The following E2F3 variants were observed in gnomAD, a reference collection of about 807,000 sequenced individuals.
E2F3 encodes transcription factor E2F3.
A neutral mutation model predicts 44.4 loss-of-function variants in E2F3; 11 were observed. The ratio of observed to expected loss-of-function variants is 0.25; its 90% CI spans 0.16 to 0.41. The LOEUF is 0.41. Ranked by LOEUF, E2F3 falls within the 10% of genes least tolerant of loss-of-function variation. E2F3 has a pLI of 1.00. For missense variants in E2F3, 487 were observed against 583.6 expected (o/e 0.83, Z 1.70); for synonymous variants, 249 against 253.0 (o/e 0.98, Z 0.15).
chr6:20,477,066 G>A (rs1762069105), intron 1 of E2F3, among the ~76,000 whole-genome samples: 1 of 152,144 alleles, frequency 6.6e-6, no homozygotes, highest in East Asian at 1.9e-4. Context: ...GGTTAGAGGT[G>A]CCCTGACACA....
At position 20,402,266 on chromosome 6, in the gene E2F3, T is replaced by C; in HGVS notation, c.34T>C (p.Tyr12His). The change falls in exon 1 of 7, where the codon TAC becomes CAC. Residue 12 changes from tyrosine (Y) to histidine (H), a missense_variant. Coordinates refer to ENST00000346618, the MANE Select transcript of E2F3 (RefSeq NM_001949.5). This position sits in a 1 kb window ranked among gnomAD's most constrained non-coding sequence, Gnocchi z 5.6. ...RKGIQPALEQ[Y>H]LVTAGGGEGA... The stretch of plus-strand genomic sequence containing the variant: ...GGGAATCCAGCCCGCTCTGGAGCAG[T>C]ACCTGGTGACCGCCGGGGGTGGGGA... 6.2e-7 allele frequency: 1 copy of C among 1,607,652 alleles called. No homozygotes were observed. Among genetic ancestry groups the C allele is most frequent in the Non-Finnish European group, 8.5e-7 (1 of 1,178,384 alleles).
chr6:20,475,594 C>T (rs1240147109), intron 1 of E2F3, among the ~76,000 whole-genome samples: 1 of 152,180 alleles, frequency 6.6e-6, no homozygotes, highest in Non-Finnish European at 1.5e-5. Flanking sequence ...CTCCACCTCC[C>T]AGGTTCAAGC....
At chr6:20,483,608 A>C (rs978943997) in intron 4 of E2F3, among the ~76,000 whole-genome samples, 1 of 152,152 alleles carries the variant, frequency 6.6e-6, no homozygotes, top group Non-Finnish European at 1.5e-5. Flanking sequence ...CTTGTTCTCA[A>C]CTTCCTGACA....
intron 1 of E2F3, among the ~76,000 whole-genome samples, chr6:20,456,504 T>C (rs577418433): frequency 2.0e-5 from 3 of 152,270 alleles, no homozygotes; most frequent in South Asian, 4.2e-4. Context: ...CCTGTCTCCT[T>C]TCCTCCTTGC....
intron 1 of E2F3, among the ~76,000 whole-genome samples, chr6:20,430,729 G>T (rs1245495308): frequency 6.6e-6 from 1 of 152,208 alleles, no homozygotes; most frequent in East Asian, 1.9e-4. Flanking sequence ...TCACTTCAGA[G>T]TTGAGGGCCT....
rs564029498 is a variant in E2F3 at position 20,422,422 on chromosome 6, C to T, written c.393+19797C>T. On this transcript the variant is annotated intron_variant, in intron 1 of 6. Transcript: ENST00000346618. The stretch of plus-strand genomic sequence containing the variant: ...ATCAGTAATAAGGCTGTTTTGTTCT[C>T]GTGTCATTTGTGTGTTCATGGAGTA... Among the ~76,000 whole-genome samples the T allele has an allele frequency of 2.6e-5, 4 of 152,316 alleles. No homozygotes were observed. In the East Asian group the frequency reaches 7.7e-4, roughly 29 times the overall value.
intron 1 of E2F3, among the ~76,000 whole-genome samples, chr6:20,449,769 TC>T (rs1254342025): frequency 6.6e-6 from 1 of 152,152 alleles, no homozygotes; most frequent in Non-Finnish European, 1.5e-5. Flanking sequence ...CTCTCCCTCC[TC>T]CCACTCTCCA....
At chr6:20,470,279 CCCATTGTTTG>C (rs1554140224) in intron 1 of E2F3, among the ~76,000 whole-genome samples, 1 of 152,212 alleles carries the variant, frequency 6.6e-6, no homozygotes, top group Non-Finnish European at 1.5e-5. Context: ...CCCATTGTTT[CCCATTGTTTG>C]CTTGCCTGTA....
chr6:20,447,157 C>A (rs181145167), intron 1 of E2F3, among the ~76,000 whole-genome samples: 2 of 152,210 alleles, frequency 1.3e-5, no homozygotes, highest in East Asian at 3.9e-4. Flanking sequence ...GGGACGTCCA[C>A]GTTTGTCCTG....
chr6:20,430,927 AG>A (rs1475458778), intron 1 of E2F3, among the ~76,000 whole-genome samples: 9 of 152,204 alleles, frequency 5.9e-5, no homozygotes, highest in African/African-American at 2.2e-4. Flanking sequence ...TGGGAGGCTG[AG>A]GCAGGAGAAT....
At chr6:20,419,780 G>C (rs1452920513) in intron 1 of E2F3, among the ~76,000 whole-genome samples, 1 of 152,080 alleles carries the variant, frequency 6.6e-6, no homozygotes, top group African/African-American at 2.4e-5. Flanking sequence ...TGCCCAGGCT[G>C]GTCTCAAACT....
intron 1 of E2F3, among the ~76,000 whole-genome samples, chr6:20,429,906 TA>T (rs942820977): frequency 6.6e-6 from 1 of 152,122 alleles, no homozygotes; most frequent in African/African-American, 2.4e-5. Context: ...TATTAAATAT[TA>T]AATAAAATGC....
chr6:20,422,027 TCTC>T (rs753819407), intron 1 of E2F3: 12 of 152,348 alleles, frequency 7.9e-5, no homozygotes, highest in East Asian at 3.8e-4. Context: ...GATATTGACT[TCTC>T]CTCTCTAGCT....
At position 20,481,354 on chromosome 6, in the gene E2F3, T is replaced by A. The variant is rs567111741; in HGVS notation, c.654T>A (p.Ile218=). The A allele has an allele frequency of 6.2e-7, 1 of 1,614,088 alleles. No individual in the cohort carries two copies. Among genetic ancestry groups the A allele is most frequent in the East Asian group, 2.2e-5 (1 of 44,868 alleles). ...AEVLKVQKRR[I]YDITNVLEGI... Reference sequence around the variant, plus strand: ...TGCTAAAAGTGCAAAAGAGAAGGATTTATGATATCACCAACGTTCTGGAAG... The same window carrying A: ...TGCTAAAAGTGCAAAAGAGAAGGATATATGATATCACCAACGTTCTGGAAG... The change falls in exon 3 of 7, where the codon ATT becomes ATA. Residue 218 remains isoleucine (I), a synonymous_variant. Transcript: ENST00000346618.
chr6:20,427,986 G>A (rs940087466), intron 1 of E2F3, among the ~76,000 whole-genome samples: 4 of 152,122 alleles, frequency 2.6e-5, no homozygotes, highest in African/African-American at 9.7e-5. Context: ...TCCCTCTCCT[G>A]CAACGATTCA....
In E2F3 at chr6:20,486,450, T is replaced by C. The variant is rs1762395580; in HGVS notation, c.885-239T>C. Among the ~76,000 whole-genome samples the C allele has an allele frequency of 2.0e-5, 3 of 152,160 alleles. No individual in the cohort carries two copies. The South Asian group carries it at 6.2e-4, about 32-fold the overall frequency. ...ACCACGCCTGGCTAACTTTTTGTATTTTTAGTAGAGACGGGGTTTCACCGT... is the reference window on the plus strand; with the variant it reads ...ACCACGCCTGGCTAACTTTTTGTATCTTTAGTAGAGACGGGGTTTCACCGT... On this transcript the variant is annotated intron_variant, in intron 4 of 6. Transcript: ENST00000346618.
At chr6:20,436,109 T>C (rs1020071182) in intron 1 of E2F3, among the ~76,000 whole-genome samples, 2 of 151,494 alleles carry the variant, frequency 1.3e-5, no homozygotes, top group African/African-American at 4.9e-5. Context: ...GCCTCCCGAG[T>C]AGCTGGAATT....
intron 5 of E2F3, among the ~76,000 whole-genome samples, chr6:20,487,189 T>C (rs1348658725): frequency 1.3e-5 from 2 of 152,210 alleles, no homozygotes; most frequent in Non-Finnish European, 1.5e-5. Flanking sequence ...CCCTAACTTA[T>C]AACATTTTGA....
chr6:20,463,058 G>T (rs1245972497), intron 1 of E2F3, among the ~76,000 whole-genome samples: 4 of 151,416 alleles, frequency 2.6e-5, no homozygotes, highest in Non-Finnish European at 5.9e-5. Context: ...TAAGTGGTGG[G>T]ATTACAGGTG....
Sources: gnomAD v4.1 joint callset for allele counts (sites outside exome capture counted in the v4.1 genomes callset) on GRCh38, gnomAD v4.1.1 for gene constraint, Gnocchi (gnomAD v3.1) non-coding constraint, MANE v1.5 for transcripts, NCBI Gene and HGNC (gene_info 2026-07-23, HGNC 2026-07-21) for gene names.